Variants in NMNAT3 observed in about 807,000 individuals in gnomAD.
NMNAT3 encodes the protein nicotinamide/nicotinic acid mononucleotide adenylyltransferase 3.
Under a neutral mutation model 24.8 loss-of-function variants are expected in NMNAT3, and 21 were observed. That is an observed-to-expected ratio of 0.85 (90% CI 0.60 to 1.22). The LOEUF (loss-of-function observed/expected upper bound fraction) is 1.22. Ranked by LOEUF, NMNAT3 falls within the 50% of genes most tolerant of loss-of-function variation. NMNAT3 has a pLI of 0.00. For synonymous variants in NMNAT3, 136 were observed against 155.2 expected (o/e 0.88, Z 0.92); for missense variants, 387 against 436.6 (o/e 0.89, Z 1.01).
chr3:139,587,461 C>T (rs886981485), intron 3 of NMNAT3, among the ~76,000 whole-genome samples: 5 of 152,160 alleles, frequency 3.3e-5, no homozygotes, highest in African/African-American at 1.2e-4. Flanking sequence ...AGATTAAGGA[C>T]AGATCCCTCG....
At chr3:139,611,193 C>T (rs1490418043) in intron 3 of NMNAT3, among the ~76,000 whole-genome samples, 8 of 152,172 alleles carry the variant, frequency 5.3e-5, no homozygotes, top group South Asian at 2.1e-4. Context: ...ACAGGAGAAA[C>T]TGTCTTGAGG....
At chr3:139,607,139 A>G (rs1359367939) in intron 3 of NMNAT3, among the ~76,000 whole-genome samples, 1 of 151,354 alleles carries the variant, frequency 6.6e-6, no homozygotes, top group Non-Finnish European at 1.5e-5. Context: ...AGAAAATTTT[A>G]TATAAATATA....
intron 3 of NMNAT3, chr3:139,583,311 T>C: frequency 3.7e-6 from 5 of 1,348,066 alleles, no homozygotes; most frequent in South Asian, 3.5e-5. Context: ...TGTTTAATGA[T>C]GTCAATCTTC....
At chr3:139,563,005 C>T (rs1005317242) in intron 6 of NMNAT3, among the ~76,000 whole-genome samples, 2 of 152,170 alleles carry the variant, frequency 1.3e-5, no homozygotes, top group Non-Finnish European at 2.9e-5. Context: ...CTCATGTGAT[C>T]TCAACTTTAA....
intron 3 of NMNAT3, among the ~76,000 whole-genome samples, chr3:139,603,238 C>T (rs903025915): frequency 6.6e-6 from 1 of 152,262 alleles, no homozygotes. Flanking sequence ...CCTGGGCTTC[C>T]CATGCTTGTT....
rs893688186 is a variant in NMNAT3 at position 139,578,722 on chromosome 3, C to G, written c.575+150G>C. 3 of 619,024 alleles carry G rather than the reference C, an allele frequency of 4.8e-6. No homozygotes were observed. The Admixed American group carries it at 9.2e-5, about 19-fold the overall frequency. The allele number at this position is 619,024 out of a possible 1,614,324, so 38.3% of individuals were successfully genotyped here. A position where few individuals can be genotyped will look rare whatever the true frequency, so the allele number is the denominator to read the frequency against. On this transcript the variant is annotated intron_variant, in intron 5 of 6. Transcript: ENST00000643695. ...TGAGAATGTGAATCTGTTGATCTCT[C>G]TCCTGCTAAGTAGAAACTGCTTCTT...
At chr3:139,640,978 A>G (rs1256354100) in intron 1 of NMNAT3, among the ~76,000 whole-genome samples, 1 of 152,222 alleles carries the variant, frequency 6.6e-6, no homozygotes, top group Non-Finnish European at 1.5e-5. Context: ...CATAATCGCT[A>G]TTGTGTTGGC....
In NMNAT3 at chr3:139,578,905, T is replaced by A. The variant is rs1939736494; in HGVS notation, c.542A>T (p.Gln181Leu). ...CTTCACTGTCTCCATCCACTGTGCC[T>A]GCTCACTCTCCCAAGGGTCCACCCG... The change falls in exon 5 of 7, where the codon CAG (glutamine) becomes CTG (leucine). Residue 181 changes from glutamine (Q) to leucine (L), a missense_variant. Gln to Leu is a moderately radical substitution (Grantham distance 113). Around this residue, in one of 3 missense-constraint regions of NMNAT3, gnomAD observed 323 missense variants for 345.2 expected, o/e 0.94. Coordinates refer to ENST00000643695, the MANE Select transcript of NMNAT3 (RefSeq NM_001320510.2). The A allele has an allele frequency of 6.2e-7, 1 of 1,614,172 alleles. No homozygotes were observed. Among genetic ancestry groups the A allele is most frequent in the East Asian group, 2.2e-5 (1 of 44,878 alleles).
At position 139,587,674 on chromosome 3, in the gene NMNAT3, A is replaced by G. The variant is rs1370032792; in HGVS notation, c.110-4466T>C. ...ACATATTTTTTCACAATTCATGGAA[A>G]TGGTGGCTTAAGATCAAGTTGAATG... On this transcript the variant is annotated intron_variant, in intron 3 of 6. Transcript: ENST00000643695. 2.0e-5 allele frequency among the ~76,000 whole-genome samples: 3 copies of G among 152,224 alleles called. No individual in the cohort carries two copies. The East Asian group carries it at 5.8e-4, about 29-fold the overall frequency.
chr3:139,612,889 T>G (rs1403273760), intron 3 of NMNAT3, among the ~76,000 whole-genome samples: 3 of 152,176 alleles, frequency 2.0e-5, no homozygotes, highest in African/African-American at 7.2e-5. Context: ...GGGGAAAGGA[T>G]TCCCTATTTA....
intron 6 of NMNAT3, chr3:139,567,011 C>T (rs1937337906): frequency 6.6e-6 from 1 of 151,474 alleles, no homozygotes; most frequent in African/African-American, 2.4e-5. Context: ...AATGTTCTTC[C>T]ATTTGTTTGT....
In NMNAT3 at chr3:139,560,350, T is replaced by C. The variant is rs1194715769; in HGVS notation, c.*660A>G. On this transcript the variant is annotated 3_prime_UTR_variant, in exon 7 of 7. Coordinates refer to ENST00000643695, the MANE Select transcript of NMNAT3 (RefSeq NM_001320510.2). ...ATCAGGAGCCCCGGCTTTTATGCTA[T>C]AGCAAGTTTGACACTTGCTGTATCA... 1 of 152,796 alleles carries C rather than the reference T, an allele frequency of 6.5e-6. No individual in the cohort carries two copies. The highest frequency in any genetic ancestry group is 1.9e-4 in the East Asian group (1 of 5,192). 9.5% of individuals were successfully genotyped at this position (152,796 alleles called of 1,614,324 possible).
chr3:139,602,141 T>G (rs749068621), intron 3 of NMNAT3, among the ~76,000 whole-genome samples: 6 of 152,194 alleles, frequency 3.9e-5, no homozygotes, highest in Non-Finnish European at 5.9e-5. Flanking sequence ...GGGCTTAATT[T>G]TATGGATAAA....
At chr3:139,573,724 C>T in intron 5 of NMNAT3, 44 bp from the exon 6 acceptor site, 1 of 1,095,088 alleles carries the variant, frequency 9.1e-7, no homozygotes, top group Non-Finnish European at 1.3e-6. Context: ...TGTCCTCCAG[C>T]CCTCAAAGCC....
chr3:139,647,449 G>A (rs1376333360), intron 1 of NMNAT3, among the ~76,000 whole-genome samples: 2 of 152,208 alleles, frequency 1.3e-5, no homozygotes, highest in Non-Finnish European at 2.9e-5. Flanking sequence ...GTCCCCCAAA[G>A]ATGTCAGGTC....
intron 1 of NMNAT3, among the ~76,000 whole-genome samples, chr3:139,647,559 T>A (rs1335935656): frequency 6.6e-6 from 1 of 152,128 alleles, no homozygotes; most frequent in Admixed American, 6.5e-5. Context: ...TGCAATCACA[T>A]GTATCCTTAT....
intron 4 of NMNAT3, among the ~76,000 whole-genome samples, chr3:139,582,273 T>A (rs1184530417): frequency 6.8e-6 from 1 of 147,420 alleles, no homozygotes; most frequent in Non-Finnish European, 1.5e-5. Context: ...TCTTAGTAAA[T>A]GTGTTCACCA....
intron 3 of NMNAT3, among the ~76,000 whole-genome samples, chr3:139,604,865 GA>G (rs869288976): frequency 4.7e-4 from 72 of 152,264 alleles, no homozygotes; most frequent in African/African-American, 1.7e-3. Flanking sequence ...TCTAAGGGGG[GA>G]AAAAAGACAC....
chr3:139,656,467 C>G (rs2108407475), intron 1 of NMNAT3, among the ~76,000 whole-genome samples: 1 of 152,256 alleles, frequency 6.6e-6, no homozygotes, highest in East Asian at 1.9e-4. Context: ...ATACTCTGCT[C>G]TCACGGAACT....
Sources: gnomAD v4.1 joint callset for allele counts (sites outside exome capture counted in the v4.1 genomes callset) on GRCh38, gnomAD v4.1.1 for gene constraint, gnomAD v4.1.1 regional missense constraint, MANE v1.5 for transcripts, NCBI Gene and HGNC (gene_info 2026-07-23, HGNC 2026-07-21) for gene names.